UMAD1: variants seen among roughly 807,000 people sequenced by gnomAD.
UMAD1 encodes UBAP1-MVB12-associated (UMA) domain containing 1, also known as UBAP1-MVB12-associated (UMA)-domain containing protein 1.
In UMAD1, 8 loss-of-function variants were observed where a neutral mutation model predicts 6.1. The ratio of observed to expected loss-of-function variants is 1.30; its 90% CI spans 0.76 to 2.35. UMAD1 has a LOEUF of 2.35. Ranked by LOEUF, UMAD1 falls within the 30% of genes most tolerant of loss-of-function variation. The probability of loss-of-function intolerance (pLI) is 0.00; values close to 1 mark genes in which losing one functional copy is unlikely to be tolerated. For synonymous variants in UMAD1, 56 were observed against 31.4 expected (o/e 1.78, Z -2.61); for missense variants, 130 against 78.4 (o/e 1.66, Z -2.49).
At position 7,877,523 on chromosome 7, in the gene UMAD1, G is replaced by T; in HGVS notation, c.399G>T (p.Val133=). The stretch of plus-strand genomic sequence containing the variant: ...ATGATTTCACTCTTGAAAATTCAGT[G>T]CTCTGTGATTCATAACCTTTATGTC... The part of the protein sequence containing the change: ...FWYDFTLENS[V]LCDS The change falls in exon 4 of 4, where the codon GTG becomes GTT. Residue 133 remains valine, a synonymous_variant. Coordinates refer to ENST00000682710, the MANE Select transcript of UMAD1 (RefSeq NM_001302348.2). 2.8e-6 allele frequency: 2 copies of T among 717,342 alleles called. No homozygotes were observed. Among genetic ancestry groups the T allele is most frequent in the African/African-American group, 3.5e-5 (2 of 57,356 alleles). 44.4% of individuals were successfully genotyped at this position (717,342 alleles called of 1,614,324 possible).
chr7:7,763,588 A>C, intron 2 of UMAD1, among the ~76,000 whole-genome samples: 1 of 152,208 alleles, frequency 6.6e-6, no homozygotes, highest in South Asian at 2.1e-4. Context: ...TTTAAGATTG[A>C]AATTTAGGCC....
At chr7:7,795,470 C>G (rs375128828) in intron 2 of UMAD1, among the ~76,000 whole-genome samples, 9 of 152,150 alleles carry the variant, frequency 5.9e-5, no homozygotes, top group African/African-American at 2.2e-4. Flanking sequence ...GTTCTTAGAT[C>G]TCCTGCAAGA....
Position 7,850,421 on chromosome 7 carries a change from T to G in UMAD1, c.157-26860T>G, listed in dbSNP as rs142745855. On this transcript the variant is annotated intron_variant, in intron 3 of 3. Transcript: ENST00000682710. ...AATTCAGAAATTTTGCATCGTTCCT[T>G]TTTCTCCTTGAACTCAGATTTCCAT... Among the ~76,000 whole-genome samples, 127 of 152,238 alleles carry G rather than the reference T, an allele frequency of 8.3e-4. 1 individual carries two copies. In the Middle Eastern group the frequency reaches 0.01, roughly 12 times the overall value.
chr7:7,684,060 A>G (rs1009514461), intron 2 of UMAD1, among the ~76,000 whole-genome samples: 1 of 152,346 alleles, frequency 6.6e-6, no homozygotes, highest in East Asian at 1.9e-4. Context: ...CATGTGACCT[A>G]CATACATCCT....
chr7:7,800,608 A>G (rs1782780336), intron 2 of UMAD1, among the ~76,000 whole-genome samples: 1 of 152,140 alleles, frequency 6.6e-6, no homozygotes, highest in Admixed American at 6.5e-5. Flanking sequence ...CTTTCCCCTG[A>G]GTCCCCAAAG....
Position 7,878,810 on chromosome 7 carries a change from T to C in UMAD1, c.*1272T>C, listed in dbSNP as rs1272614520. 1 of 152,226 alleles carries C rather than the reference T, an allele frequency of 6.6e-6. No homozygotes were observed. Among genetic ancestry groups the C allele is most frequent in the Non-Finnish European group, 1.5e-5 (1 of 68,022 alleles). 9.4% of individuals were successfully genotyped at this position (152,226 alleles called of 1,614,324 possible). A position where few individuals can be genotyped will look rare whatever the true frequency, so the allele number is the denominator to read the frequency against. Reference sequence around the variant, plus strand: ...TGGCATGGTTTTAATACAAATGCTATGTTATTTAAAAGTTAGAGGAACATT... The same window carrying C: ...TGGCATGGTTTTAATACAAATGCTACGTTATTTAAAAGTTAGAGGAACATT... On this transcript the variant is annotated 3_prime_UTR_variant, in exon 4 of 4. Transcript: ENST00000682710.
At chr7:7,743,641 A>G (rs1781515422) in intron 2 of UMAD1, among the ~76,000 whole-genome samples, 4 of 151,960 alleles carry the variant, frequency 2.6e-5, no homozygotes, top group Middle Eastern at 3.4e-3. Flanking sequence ...GAAAGAATCT[A>G]TTCATTATTA....
chr7:7,722,955 C>T (rs1000488154), intron 2 of UMAD1, among the ~76,000 whole-genome samples: 8 of 152,172 alleles, frequency 5.3e-5, no homozygotes, highest in Non-Finnish European at 4.4e-5. Flanking sequence ...GGCAACATTC[C>T]CTCTCCAACC....
chr7:7,643,122 A>G (rs1785012875), intron 1 of UMAD1, among the ~76,000 whole-genome samples: 1 of 152,150 alleles, frequency 6.6e-6, no homozygotes, highest in Admixed American at 6.5e-5. Flanking sequence ...GCTTCTCTAA[A>G]AATGATAATT....
At chr7:7,850,457 C>T (rs1004880248) in intron 3 of UMAD1, among the ~76,000 whole-genome samples, 3 of 151,998 alleles carry the variant, frequency 2.0e-5, no homozygotes, top group African/African-American at 7.2e-5. Flanking sequence ...CTACTTCCCC[C>T]CAAAGAATTG....
intron 2 of UMAD1, among the ~76,000 whole-genome samples, chr7:7,772,114 G>A (rs1263686927): frequency 6.6e-6 from 1 of 152,052 alleles, no homozygotes; most frequent in African/African-American, 2.4e-5. Flanking sequence ...AATTAACTGG[G>A]AATATTTAGA....
intron 2 of UMAD1, among the ~76,000 whole-genome samples, chr7:7,740,167 G>T (rs190395517): frequency 6.6e-6 from 1 of 152,198 alleles, no homozygotes; most frequent in Non-Finnish European, 1.5e-5. Flanking sequence ...CTCTTTCTTT[G>T]TTTCTTCCTT....
chr7:7,798,169 A>G (rs768379812), intron 2 of UMAD1, among the ~76,000 whole-genome samples: 1 of 152,226 alleles, frequency 6.6e-6, no homozygotes, highest in African/African-American at 2.4e-5. Flanking sequence ...AAGTTGTGAC[A>G]GAGACCTTAT....
At chr7:7,773,069 T>A (rs777764592) in intron 2 of UMAD1, among the ~76,000 whole-genome samples, 3 of 152,244 alleles carry the variant, frequency 2.0e-5, no homozygotes, top group Non-Finnish European at 2.9e-5. Context: ...TGCTTGTTTT[T>A]GTAACAAGTG....
chr7:7,811,136 T>C (rs1439425477), intron 3 of UMAD1, among the ~76,000 whole-genome samples: 1 of 152,200 alleles, frequency 6.6e-6, no homozygotes, highest in African/African-American at 2.4e-5. Context: ...ACATCTCGCT[T>C]CTTTCTTTTT....
intron 3 of UMAD1, among the ~76,000 whole-genome samples, chr7:7,865,348 C>T (rs1037347284): frequency 6.6e-6 from 1 of 152,034 alleles, no homozygotes; most frequent in African/African-American, 2.4e-5. Context: ...GGTTGTTATT[C>T]GGGGAGTTGG....
intron 3 of UMAD1, among the ~76,000 whole-genome samples, chr7:7,823,061 C>T (rs1337104179): frequency 6.6e-6 from 1 of 151,990 alleles, no homozygotes; most frequent in African/African-American, 2.4e-5. Flanking sequence ...GTGCTCCTCC[C>T]TTGATGTTTT....
rs1029435686 is a variant in UMAD1, at chr7:7,869,266, A to G, written c.157-8015A>G. 8.1e-5 allele frequency among the ~76,000 whole-genome samples: 12 copies of G among 147,624 alleles called. 1 individual carries two copies. In the South Asian group the frequency reaches 2.2e-3, roughly 27 times the overall value. On this transcript the variant is annotated intron_variant, in intron 3 of 3. Coordinates refer to ENST00000682710, the MANE Select transcript of UMAD1 (RefSeq NM_001302348.2). ...ATGCAAGCAGATACCAGCTGAAGCC[A>G]GAATAGAATGGATAGTTATCTAGGG...
At chr7:7,702,171 G>T (rs1780478610) in intron 2 of UMAD1, among the ~76,000 whole-genome samples, 1 of 152,160 alleles carries the variant, frequency 6.6e-6, no homozygotes, top group African/African-American at 2.4e-5. Flanking sequence ...GATAGTCATA[G>T]CTTGTCTTTA....
Sources: gnomAD v4.1 joint callset for allele counts (sites outside exome capture counted in the v4.1 genomes callset) on GRCh38, gnomAD v4.1.1 for gene constraint, MANE v1.5 for transcripts, NCBI Gene and HGNC (gene_info 2026-07-23, HGNC 2026-07-21) for gene names.